The following TMEM144 variants were observed in gnomAD, a reference collection of about 807,000 sequenced individuals.
The protein encoded by TMEM144 is transmembrane protein 144.
In TMEM144, 39 loss-of-function variants were observed where a neutral mutation model predicts 43.6. The ratio of observed to expected loss-of-function variants is 0.90; its 90% CI spans 0.69 to 1.17. The LOEUF (loss-of-function observed/expected upper bound fraction) is 1.17, where lower values mean the gene tolerates loss of function less well. TMEM144 is among the 50% of genes most tolerant of loss of function. The pLI, the probability that TMEM144 is intolerant of heterozygous loss-of-function variation, is 0.00. For synonymous variants in TMEM144, 154 were observed against 133.6 expected, an observed-to-expected ratio of 1.15 and a Z score of -1.06; for missense variants, 417 against 411.9, an observed-to-expected ratio of 1.01 and a Z score of -0.11.
chr4:158,253,699 G>A lies in TMEM144; in HGVS notation c.*172G>A. ...AAATGTGAGAATGAAGGAAGATTGA[G>A]TTTCATTCAAGTATAAAAATGAAAA... On this transcript the variant is annotated 3_prime_UTR_variant, in exon 13 of 13. Coordinates refer to ENST00000296529, the MANE Select transcript of TMEM144 (RefSeq NM_018342.5). 1.7e-6 allele frequency: 1 copy of A among 581,088 alleles called. No homozygotes were observed. The highest frequency in any genetic ancestry group is 3.0e-6 in the Non-Finnish European group (1 of 331,172). 36.0% of individuals were successfully genotyped at this position (581,088 alleles called of 1,614,324 possible). A position where few individuals can be genotyped will look rare whatever the true frequency, so the allele number is the denominator to read the frequency against.
At chr4:158,211,312 T>A (rs1267313880) in intron 1 of TMEM144, 141 bp from the exon 2 acceptor site, 1 of 152,238 alleles carries the variant, frequency 6.6e-6, no homozygotes, top group Non-Finnish European at 1.5e-5. Context: ...GCCTTCTCAA[T>A]AAAATAATTT....
At chr4:158,230,753 A>G (rs1735038227) in intron 6 of TMEM144, among the ~76,000 whole-genome samples, 1 of 152,064 alleles carries the variant, frequency 6.6e-6, no homozygotes, top group Admixed American at 6.5e-5. Flanking sequence ...AAGGAGATAT[A>G]AGATGTGGTT....
At chr4:158,220,601 G>C (rs1734462708) in intron 6 of TMEM144, among the ~76,000 whole-genome samples, 1 of 152,060 alleles carries the variant, frequency 6.6e-6, no homozygotes, top group Non-Finnish European at 1.5e-5. Context: ...ATTTGTAGAG[G>C]GATAATAATA....
chr4:158,240,375 C>T lies in TMEM144; in HGVS notation c.759C>T (p.Ala253=), dbSNP rs760645647. The T allele has an allele frequency of 1.9e-6, 3 of 1,613,668 alleles. No individual in the cohort carries two copies. The highest frequency in any genetic ancestry group is 2.7e-5 in the African/African-American group (2 of 74,984). Residue 253 remains alanine (A), a synonymous_variant, in exon 10 of 13, where the codon GCC becomes GCT. Coordinates refer to ENST00000296529, the MANE Select transcript of TMEM144 (RefSeq NM_018342.5). ...STVYFLAYCI[A]MKNSPKLYPE... is the part of the protein sequence containing the mutation. ...TCTACTTTCTGGCCTACTGCATAGCCATGAAAAATAGTCCTAAACTATATC... is the reference window on the plus strand; with the variant it reads ...TCTACTTTCTGGCCTACTGCATAGCTATGAAAAATAGTCCTAAACTATATC...
chr4:158,247,488 A>T (rs1452712574), intron 12 of TMEM144, among the ~76,000 whole-genome samples: 3 of 152,126 alleles, frequency 2.0e-5, no homozygotes, highest in Admixed American at 6.5e-5. Flanking sequence ...ATTAAAAATT[A>T]AAATAAAAAT....
intron 12 of TMEM144, among the ~76,000 whole-genome samples, chr4:158,249,887 GGTGTGTGTGTGT>G (rs149144602): frequency 1.3e-4 from 17 of 134,530 alleles, no homozygotes; most frequent in African/African-American, 3.5e-4. Context: ...CCTACTGCCA[GGTGTGTGTGTGT>G]GTGTGTGTGT....
intron 6 of TMEM144, among the ~76,000 whole-genome samples, chr4:158,221,116 A>G (rs1734486324): frequency 6.6e-6 from 1 of 152,108 alleles, no homozygotes; most frequent in Non-Finnish European, 1.5e-5. Context: ...AAGGTTGGTT[A>G]ATTTCTAGTC....
rs146170938 is a variant in TMEM144, at chr4:158,251,981, A to G, written c.955-1463A>G. ...TGGCAGTCATTCAGGGGGAGCAGCC[A>G]GGACAATAAGGAAGCTTGAAACCAT... On this transcript the variant is annotated intron_variant, in intron 12 of 12. Coordinates refer to ENST00000296529, the MANE Select transcript of TMEM144 (RefSeq NM_018342.5). Among the ~76,000 whole-genome samples the G allele has an allele frequency of 1.4e-3, 210 of 152,352 alleles. 2 individuals carry two copies. Among genetic ancestry groups the G allele is most frequent in the African/African-American group, 4.8e-3 (199 of 41,584 alleles).
At chr4:158,230,717 A>G (rs1006510811) in intron 6 of TMEM144, among the ~76,000 whole-genome samples, 2 of 152,032 alleles carry the variant, frequency 1.3e-5, no homozygotes, top group African/African-American at 4.8e-5. Context: ...CAATTTTACT[A>G]CATGTTAAAT....
chr4:158,235,310 TAG>T, intron 7 of TMEM144, 126 bp from the exon 8 acceptor site: 1 of 898,694 alleles, frequency 1.1e-6, no homozygotes, highest in Non-Finnish European at 1.7e-6. Flanking sequence ...TCAGAATGCA[TAG>T]GTGACATGTT....
chr4:158,218,066 A>C (rs1216517221), intron 5 of TMEM144, among the ~76,000 whole-genome samples: 2 of 152,218 alleles, frequency 1.3e-5, no homozygotes, highest in East Asian at 3.8e-4. Context: ...GCCTTCGAGA[A>C]AAAGTTTGCC....
intron 12 of TMEM144, among the ~76,000 whole-genome samples, chr4:158,250,689 G>T (rs775141458): frequency 6.6e-6 from 1 of 152,150 alleles, no homozygotes; most frequent in East Asian, 1.9e-4. Context: ...GCATGGCCTG[G>T]CTGTAGGAAC....
In TMEM144 at chr4:158,253,594, A is replaced by G; in HGVS notation, c.*67A>G. 10 of 1,341,212 alleles carry G rather than the reference A, an allele frequency of 7.5e-6. No individual in the cohort carries two copies. The highest frequency in any genetic ancestry group is 1.8e-4 in the Middle Eastern group (1 of 5,468). The allele number at this position is 1,341,212 out of a possible 1,614,324, so 83.1% of individuals were successfully genotyped here. ...GCGTCTATCGGACAGCGGAGAGATC[A>G]TGCTGAGAAAAGAGTGCATTTTCAT... On this transcript the variant is annotated 3_prime_UTR_variant, in exon 13 of 13. Coordinates refer to ENST00000296529, the MANE Select transcript of TMEM144 (RefSeq NM_018342.5).
At position 158,235,453 on chromosome 4, in the gene TMEM144, C is replaced by G. The variant is rs1208899920; in HGVS notation, c.511C>G (p.Gln171Glu). 5 of 1,613,950 alleles carry G rather than the reference C, an allele frequency of 3.1e-6. No homozygotes were observed. The highest frequency in any genetic ancestry group is 4.2e-6 in the Non-Finnish European group (5 of 1,179,898). The change falls in exon 8 of 13, where the codon CAA (glutamine) becomes GAA (glutamate). Residue 171 changes from glutamine to glutamate, a missense_variant. Physicochemically the swap from Gln to Glu is conservative, Grantham distance 29 (BLOSUM62 2). Coordinates refer to ENST00000296529, the MANE Select transcript of TMEM144 (RefSeq NM_018342.5). The part of the protein sequence containing the change: ...LITEHVINTT[Q>E]DPCSWVDKLS... ...TTTTCAATAGGTGATCAACACAACCCAAGACCCCTGTTCCTGGGTGGATAA... is the reference window on the plus strand; with the variant it reads ...TTTTCAATAGGTGATCAACACAACCGAAGACCCCTGTTCCTGGGTGGATAA...
chr4:158,233,227 A>G (rs557869943), intron 7 of TMEM144: 48 of 275,050 alleles, frequency 1.7e-4, no homozygotes, highest in Non-Finnish European at 2.6e-4. Flanking sequence ...GGTGATATAT[A>G]TATAACCCCA....
rs1179542772 is a variant in TMEM144, at chr4:158,212,709, C to G, written c.42C>G (p.Ser14=). ...CAGACCTAACCTTTGGTTACATCTC[C>G]TGTTTTGTAGCTATCCTTTTGTTTG... is the stretch of plus-strand genomic sequence containing the variant. The part of the protein sequence containing the change: ...NGADLTFGYI[S]CFVAILLFGS... Residue 14 remains serine (S), a synonymous_variant, in exon 3 of 13, where the codon TCC becomes TCG. Coordinates refer to ENST00000296529, the MANE Select transcript of TMEM144 (RefSeq NM_018342.5). 6.2e-7 allele frequency: 1 copy of G among 1,613,828 alleles called. No homozygotes were observed. The highest frequency in any genetic ancestry group is 8.5e-7 in the Non-Finnish European group (1 of 1,179,878).
chr4:158,215,920 A>T (rs192678824), intron 4 of TMEM144, among the ~76,000 whole-genome samples: 2 of 152,308 alleles, frequency 1.3e-5, no homozygotes, highest in East Asian at 3.9e-4. Flanking sequence ...AGTATCAGTG[A>T]TCTTTAGAAA....
intron 11 of TMEM144, 44 bp from the exon 12 acceptor site, chr4:158,244,252 T>C (rs764614264): frequency 9.3e-6 from 13 of 1,390,650 alleles, no homozygotes; most frequent in Non-Finnish European, 1.3e-5. Flanking sequence ...AATCTAGTCA[T>C]AGGTAAATAT....
intron 12 of TMEM144, among the ~76,000 whole-genome samples, chr4:158,245,579 C>T (rs940823506): frequency 2.0e-5 from 3 of 152,100 alleles, no homozygotes; most frequent in African/African-American, 7.2e-5. Context: ...CTACCAAGAA[C>T]ACAATAAATG....
Sources: allele counts gnomAD v4.1 joint callset (sites outside exome capture counted in the v4.1 genomes callset), GRCh38; gene constraint gnomAD v4.1.1; transcripts MANE v1.5; gene names NCBI Gene and HGNC (gene_info 2026-07-23, HGNC 2026-07-21).